Variants in RPS6KA5 observed in about 807,000 individuals in gnomAD.
RPS6KA5 encodes the protein ribosomal protein S6 kinase alpha-5.
RPS6KA5 carries 27 observed loss-of-function variants against 85.5 expected under a neutral mutation model. That is an observed-to-expected ratio of 0.32 (90% CI 0.23 to 0.44). The LOEUF is 0.44. RPS6KA5 is among the 20% of genes least tolerant of loss of function. RPS6KA5 has a pLI of 1.00. For synonymous variants in RPS6KA5, 334 were observed against 348.2 expected (o/e 0.96, Z 0.46); for missense variants, 811 against 980.9 (o/e 0.83, Z 2.31).
intron 3 of RPS6KA5, among the ~76,000 whole-genome samples, chr14:90,956,469 C>A (rs545957017): frequency 6.6e-6 from 1 of 152,218 alleles, no homozygotes; most frequent in Non-Finnish European, 1.5e-5. Context: ...CCCAGTCTGA[C>A]AATCTCTGCC....
At chr14:91,059,630 G>T (rs958998979) in intron 1 of RPS6KA5, among the ~76,000 whole-genome samples, 2 of 152,200 alleles carry the variant, frequency 1.3e-5, no homozygotes, top group Admixed American at 6.5e-5. Context: ...ACATTAGAAC[G>T]TAAGCGCTGA....
intron 1 of RPS6KA5, among the ~76,000 whole-genome samples, chr14:91,005,823 A>G (rs1212800410): frequency 6.6e-6 from 1 of 152,188 alleles, no homozygotes; most frequent in East Asian, 1.9e-4. Flanking sequence ...ATATTTACAC[A>G]TTTATTTCAC....
intron 7 of RPS6KA5, among the ~76,000 whole-genome samples, chr14:90,907,697 CAAGGAAAGA>C (rs2140250855): frequency 1.3e-5 from 2 of 152,214 alleles, no homozygotes; most frequent in South Asian, 4.2e-4. Flanking sequence ...GTTGGTAAAA[CAAGGAAAGA>C]AAGGAAAGAA....
At chr14:91,054,742 G>A (rs977595711) in intron 1 of RPS6KA5, among the ~76,000 whole-genome samples, 2 of 151,914 alleles carry the variant, frequency 1.3e-5, no homozygotes, top group East Asian at 3.9e-4. Context: ...CTTAAGCCCA[G>A]GAGTTCGAGA....
At chr14:91,030,700 T>C (rs2042155857) in intron 1 of RPS6KA5, among the ~76,000 whole-genome samples, 1 of 132,726 alleles carries the variant, frequency 7.5e-6, no homozygotes, top group Non-Finnish European at 1.6e-5. Context: ...ATAAAAAGTA[T>C]AATTATCCTT....
intron 3 of RPS6KA5, among the ~76,000 whole-genome samples, chr14:90,948,358 T>C (rs2037982835): frequency 6.6e-6 from 1 of 152,168 alleles, no homozygotes; most frequent in Non-Finnish European, 1.5e-5. Flanking sequence ...AGAATAAACT[T>C]TTTACCAAAT....
At chr14:91,051,094 C>T (rs894158642) in intron 1 of RPS6KA5, among the ~76,000 whole-genome samples, 5 of 151,568 alleles carry the variant, frequency 3.3e-5, no homozygotes, top group Admixed American at 6.6e-5. Flanking sequence ...CTAAGCGTGG[C>T]GGTGTGTGGT....
intron 1 of RPS6KA5, among the ~76,000 whole-genome samples, chr14:91,042,515 A>C (rs1418061599): frequency 6.6e-6 from 1 of 152,156 alleles, no homozygotes; most frequent in East Asian, 1.9e-4. Context: ...ATCTCAAAAA[A>C]AAGAATTTTT....
At chr14:90,937,079 C>T (rs1474567924) in intron 5 of RPS6KA5, among the ~76,000 whole-genome samples, 1 of 151,682 alleles carries the variant, frequency 6.6e-6, no homozygotes, top group Admixed American at 6.6e-5. Flanking sequence ...TGAGGGGAAC[C>T]CTCAGGTAGA....
At chr14:91,035,568 G>A (rs1010578213) in intron 1 of RPS6KA5, among the ~76,000 whole-genome samples, 3 of 151,976 alleles carry the variant, frequency 2.0e-5, no homozygotes, top group Admixed American at 1.3e-4. Context: ...AGATAGAAGG[G>A]TAGGTACATT....
chr14:90,913,944 T>A (rs551654330), intron 7 of RPS6KA5, among the ~76,000 whole-genome samples: 1 of 152,148 alleles, frequency 6.6e-6, no homozygotes, highest in South Asian at 2.1e-4. Context: ...GACAAGATTA[T>A]CACCCAAAAT....
chr14:91,043,196 T>C (rs1226663283), intron 1 of RPS6KA5, among the ~76,000 whole-genome samples: 2 of 152,218 alleles, frequency 1.3e-5, no homozygotes, highest in African/African-American at 4.8e-5. Flanking sequence ...GTTCCTCCTC[T>C]GTATCATTTC....
rs766910932 is a variant in RPS6KA5, at chr14:90,906,137, C to T, written c.957+12G>A. On this transcript the variant is annotated intron_variant, in intron 8 of 16. Coordinates refer to ENST00000614987, the MANE Select transcript of RPS6KA5 (RefSeq NM_004755.4). ...AGGAGTATGAAACCATTTATCTATT[C>T]AATAATTTCACCTGAAAGAAGAGAT... 6.3e-7 allele frequency: 1 copy of T among 1,583,638 alleles called. No individual in the cohort carries two copies. The highest frequency in any genetic ancestry group is 1.1e-5 in the South Asian group (1 of 87,812).
chr14:90,950,546 C>G (rs1359218338), intron 3 of RPS6KA5, among the ~76,000 whole-genome samples: 2 of 152,184 alleles, frequency 1.3e-5, no homozygotes, highest in Non-Finnish European at 2.9e-5. Context: ...ATGCCTTTAT[C>G]AGGTTAAGAA....
chr14:90,894,795 C>A (rs1483502455), intron 12 of RPS6KA5, among the ~76,000 whole-genome samples: 1 of 152,166 alleles, frequency 6.6e-6, no homozygotes, highest in Non-Finnish European at 1.5e-5. Flanking sequence ...TCAAGTACTG[C>A]AGTGAAATCT....
chr14:90,929,852 A>G (rs1230435528), intron 5 of RPS6KA5, among the ~76,000 whole-genome samples: 1 of 152,150 alleles, frequency 6.6e-6, no homozygotes, highest in Non-Finnish European at 1.5e-5. Flanking sequence ...ATCAAGACTT[A>G]CTATAAAATG....
At chr14:90,883,550 C>G (rs1212857945) in intron 14 of RPS6KA5, among the ~76,000 whole-genome samples, 1 of 152,170 alleles carries the variant, frequency 6.6e-6, no homozygotes, top group Non-Finnish European at 1.5e-5. Context: ...ATGTTCCCCA[C>G]ATACTCCTTT....
chr14:91,011,131 C>T (rs750629754), intron 1 of RPS6KA5, among the ~76,000 whole-genome samples: 1 of 152,080 alleles, frequency 6.6e-6, no homozygotes, highest in Non-Finnish European at 1.5e-5. Context: ...TTGAACTTTC[C>T]TAATCAAAAG....
chr14:90,872,296 C>G lies in RPS6KA5; in HGVS notation c.2187G>C (p.Gly729=). ...FHAFNKYKRE[G]FCLQNVDKAP... ...CCTTATCAACATTCTGAAGGCAAAA[C>G]CCCTCTCTCTTGTATTTGTTAAAGG... Residue 729 remains glycine (G), a synonymous_variant, in exon 17 of 17, where the codon GGG becomes GGC. Transcript: ENST00000614987. 6.2e-7 allele frequency: 1 copy of G among 1,613,298 alleles called. No individual in the cohort carries two copies. Among genetic ancestry groups the G allele is most frequent in the Non-Finnish European group, 8.5e-7 (1 of 1,179,808 alleles).
Sources: allele counts gnomAD v4.1 joint callset (sites outside exome capture counted in the v4.1 genomes callset), GRCh38; gene constraint gnomAD v4.1.1; transcripts MANE v1.5; gene names NCBI Gene and HGNC (gene_info 2026-07-23, HGNC 2026-07-21).